The following SORCS1 variants were observed in gnomAD, a reference collection of about 807,000 sequenced individuals.
The protein encoded by SORCS1 is VPS10 domain-containing receptor SorCS1.
In SORCS1, 60 loss-of-function variants were observed where a neutral mutation model predicts 146.1. The observed-to-expected ratio is 0.41, with a 90% confidence interval of 0.33 to 0.51. The LOEUF (loss-of-function observed/expected upper bound fraction) is 0.51. Ranked by LOEUF, SORCS1 falls within the 20% of genes least tolerant of loss-of-function variation. SORCS1 has a pLI of 0.21. For missense variants in SORCS1, 1,352 were observed against 1,487.6 expected (o/e 0.91, Z 1.50); for synonymous variants, 637 against 584.0 (o/e 1.09, Z -1.31).
At chr10:106,636,674 T>C (rs1336613230) in intron 18 of SORCS1, among the ~76,000 whole-genome samples, 1 of 152,208 alleles carries the variant, frequency 6.6e-6, no homozygotes, top group Non-Finnish European at 1.5e-5. Flanking sequence ...CACCAGGTCC[T>C]TCCCTCGACA....
chr10:107,150,917 C>T (rs141734747), intron 1 of SORCS1, among the ~76,000 whole-genome samples: 1 of 152,292 alleles, frequency 6.6e-6, no homozygotes, highest in African/African-American at 2.4e-5. Flanking sequence ...AAACCTCTTT[C>T]CTTTATAAAT....
intron 1 of SORCS1, among the ~76,000 whole-genome samples, chr10:106,966,285 C>G (rs1395247556): frequency 6.6e-6 from 1 of 152,162 alleles, no homozygotes; most frequent in Non-Finnish European, 1.5e-5. Context: ...ACCACACACA[C>G]TCACACACTA....
At position 107,048,231 on chromosome 10, in the gene SORCS1, A is replaced by G. The variant is rs535120860; in HGVS notation, c.559-91651T>C. On this transcript the variant is annotated intron_variant, in intron 1 of 25. Coordinates refer to ENST00000263054, the MANE Select transcript of SORCS1 (RefSeq NM_052918.5). Reference sequence around the variant, plus strand: ...TTATGATTAGGTATTTTCTGTCTTGATTATCAGACTGAAAGTAAGTGCATT... The same window carrying G: ...TTATGATTAGGTATTTTCTGTCTTGGTTATCAGACTGAAAGTAAGTGCATT... Among the ~76,000 whole-genome samples, 5 of 152,272 alleles carry G rather than the reference A, an allele frequency of 3.3e-5. No homozygotes were observed. In the South Asian group the frequency reaches 1.0e-3, roughly 32 times the overall value.
chr10:107,174,434 T>G, the SORCS1 span, among the ~76,000 whole-genome samples: 1 of 152,126 alleles, frequency 6.6e-6, no homozygotes, highest in African/African-American at 2.4e-5. Flanking sequence ...GGTCTCGATC[T>G]CCTGACCTCG....
intron 17 of SORCS1, among the ~76,000 whole-genome samples, chr10:106,662,076 C>T (rs1474232567): frequency 6.6e-6 from 1 of 152,216 alleles, no homozygotes; most frequent in Non-Finnish European, 1.5e-5. Flanking sequence ...TTATTCCATC[C>T]ATCCTTTCTA....
chr10:106,863,587 AT>A (rs1282860575), intron 2 of SORCS1, among the ~76,000 whole-genome samples: 1,515 of 137,002 alleles, frequency 0.011, 10 homozygotes, highest in South Asian at 0.017. Context: ...AATAGAGATG[AT>A]TTTTTTTTTT....
At chr10:107,047,437 A>G (rs1959615290) in intron 1 of SORCS1, among the ~76,000 whole-genome samples, 1 of 152,136 alleles carries the variant, frequency 6.6e-6, no homozygotes, top group African/African-American at 2.4e-5. Flanking sequence ...ATAGGTTATT[A>G]TTTTGTTACT....
At chr10:107,036,684 C>T (rs1222467152) in intron 1 of SORCS1, among the ~76,000 whole-genome samples, 1 of 152,178 alleles carries the variant, frequency 6.6e-6, no homozygotes, top group Admixed American at 6.5e-5. Flanking sequence ...CCTGATAGAA[C>T]AGGCTACTGC....
intron 6 of SORCS1, among the ~76,000 whole-genome samples, chr10:106,724,012 A>T (rs1161807066): frequency 6.6e-6 from 1 of 152,160 alleles, no homozygotes; most frequent in East Asian, 1.9e-4. Context: ...ATATATCAAG[A>T]TCTACTGGCA....
Position 106,577,480 on chromosome 10 carries a change from T to G in SORCS1, c.3447A>C (p.Arg1149Ser), listed in dbSNP as rs116726701. 1.9e-3 allele frequency: 2,992 copies of G among 1,613,854 alleles called. 59 individuals are homozygous for G. In the African/African-American group the frequency reaches 0.036, roughly 20 times the overall value. The change falls in exon 26 of 26, where the codon AGA becomes AGC. Residue 1149 changes from arginine to serine, a missense_variant. Around this residue, in one of 3 missense-constraint regions of SORCS1, gnomAD observed 214 missense variants for 204.8 expected, o/e 1.05. Coordinates refer to ENST00000263054, the MANE Select transcript of SORCS1 (RefSeq NM_052918.5). ...GDSSLRLQRARHATPPSTPKR... is the reference protein window; with the variant it reads ...GDSSLRLQRASHATPPSTPKR... ...TTGGCGTTGAAGGCGGAGTGGCGTG[T>G]CTTGCTCTTTGCAATCGGAGAGATG...
At chr10:106,789,550 G>A (rs958797221) in intron 3 of SORCS1, among the ~76,000 whole-genome samples, 1 of 152,198 alleles carries the variant, frequency 6.6e-6, no homozygotes, top group Non-Finnish European at 1.5e-5. Context: ...AGTATAGCAA[G>A]AGTGATCTTT....
intron 20 of SORCS1, 112 bp from the exon 21 acceptor site, chr10:106,618,384 T>C (rs1847519147): frequency 2.2e-6 from 3 of 1,342,816 alleles, no homozygotes; most frequent in Non-Finnish European, 1.0e-6. Context: ...CTCTTCCTGA[T>C]GTACCACAAT....
At chr10:106,744,480 T>C (rs1857578301) in intron 5 of SORCS1, among the ~76,000 whole-genome samples, 1 of 152,194 alleles carries the variant, frequency 6.6e-6, no homozygotes, top group African/African-American at 2.4e-5. Flanking sequence ...CTAATCTCTC[T>C]AGTTTTTCAA....
chr10:106,661,265 T>C (rs922153778), intron 17 of SORCS1, among the ~76,000 whole-genome samples: 4 of 152,202 alleles, frequency 2.6e-5, no homozygotes, highest in Non-Finnish European at 5.9e-5. Context: ...TTCATTTTAT[T>C]TGAGCAAAAG....
At chr10:107,003,941 C>T (rs1957324932) in intron 1 of SORCS1, among the ~76,000 whole-genome samples, 1 of 151,874 alleles carries the variant, frequency 6.6e-6, no homozygotes, top group South Asian at 2.1e-4. Context: ...TTTGGGAGGC[C>T]GAGGAGGGTG....
intron 2 of SORCS1, among the ~76,000 whole-genome samples, chr10:106,890,969 A>G (rs1951207570): frequency 6.6e-6 from 1 of 152,140 alleles, no homozygotes; most frequent in Admixed American, 6.5e-5. Context: ...AGCAAACAAC[A>G]TGTGTTCCTG....
At chr10:106,721,853 T>C (rs1037273022) in intron 6 of SORCS1, among the ~76,000 whole-genome samples, 1 of 152,218 alleles carries the variant, frequency 6.6e-6, no homozygotes, top group Admixed American at 6.5e-5. Context: ...CAGAGGTCTG[T>C]ATATCTACAA....
intron 18 of SORCS1, among the ~76,000 whole-genome samples, chr10:106,647,007 G>GTATATATA (rs57891596): frequency 1.6e-4 from 22 of 134,230 alleles, no homozygotes; most frequent in African/African-American, 5.5e-4. Flanking sequence ...GTTTGTATGT[G>GTATATATA]TATATATATA....
chr10:106,664,202 A>G (rs775396840), intron 17 of SORCS1, among the ~76,000 whole-genome samples: 10 of 152,250 alleles, frequency 6.6e-5, no homozygotes, highest in Non-Finnish European at 1.3e-4. Context: ...GCATTGACCA[A>G]CATTTATATA....
Sources: gnomAD v4.1 joint callset for allele counts (sites outside exome capture counted in the v4.1 genomes callset) on GRCh38, gnomAD v4.1.1 for gene constraint, gnomAD v4.1.1 regional missense constraint, MANE v1.5 for transcripts, NCBI Gene and HGNC (gene_info 2026-07-23, HGNC 2026-07-21) for gene names.